The following ADGRL2 variants were observed in gnomAD, a reference collection of about 807,000 sequenced individuals.
The protein encoded by ADGRL2 is calcium-independent alpha-latrotoxin receptor 2.
ADGRL2 carries 44 observed loss-of-function variants against 157.4 expected under a neutral mutation model. The ratio of observed to expected loss-of-function variants is 0.28; its 90% confidence interval spans 0.22 to 0.36. ADGRL2 has a LOEUF of 0.36. Ranked by LOEUF, ADGRL2 falls within the 10% of genes least tolerant of loss-of-function variation. The pLI is 1.00. For missense variants in ADGRL2, 1,510 were observed against 1,768.9 expected (o/e 0.85, Z 2.63); for synonymous variants, 585 against 624.7 (o/e 0.94, Z 0.95).
intron 2 of ADGRL2, among the ~76,000 whole-genome samples, chr1:81,894,796 A>G (rs1318726326): frequency 2.6e-5 from 4 of 152,136 alleles, no homozygotes; most frequent in Admixed American, 6.6e-5. Context: ...ATTATTACCA[A>G]TAGAATTAGT....
chr1:81,445,672 C>T (rs536322313), intron 2 of ADGRL2, among the ~76,000 whole-genome samples: 100 of 152,200 alleles, frequency 6.6e-4, no homozygotes, highest in African/African-American at 2.1e-3. Context: ...TATATTAAAG[C>T]GGACTTACAT....
intron 1 of ADGRL2, among the ~76,000 whole-genome samples, chr1:81,377,421 G>A (rs771596467): frequency 2.6e-5 from 4 of 151,980 alleles, no homozygotes; most frequent in Non-Finnish European, 5.9e-5. Context: ...GTTATTATCA[G>A]TATCAAAATT....
In ADGRL2 at chr1:81,952,997, G is replaced by A. The variant is rs757781676; in HGVS notation, c.1805G>A (p.Arg602Gln). Residue 602 changes from arginine to glutamine, a missense_variant, in exon 10 of 24, where the codon CGA (arginine) becomes CAA (glutamine). Physicochemically the swap from Arg to Gln is conservative, Grantham distance 43. This residue lies in a region of ADGRL2 where 325 missense variants were observed against 333.2 expected (regional missense o/e 0.98). Coordinates refer to ENST00000686636, the MANE Select transcript of ADGRL2 (RefSeq NM_001366006.2). ...TCTTTTACTTAAAAGCTCCAAAAACGAGAGAAGACATGCAGGGCTTACCTT... is the reference window on the plus strand; with the variant it reads ...TCTTTTACTTAAAAGCTCCAAAAACAAGAGAAGACATGCAGGGCTTACCTT... The part of the protein sequence containing the change: ...AGRSYNKLQK[R>Q]EKTCRAYLKA... The A allele has an allele frequency of 5.0e-6, 8 of 1,611,614 alleles. No homozygotes were observed. The highest frequency in any genetic ancestry group is 4.0e-5 in the African/African-American group (3 of 74,982).
At chr1:81,630,870 A>G (rs980623431) in intron 3 of ADGRL2, among the ~76,000 whole-genome samples, 5 of 152,228 alleles carry the variant, frequency 3.3e-5, no homozygotes, top group East Asian at 3.9e-4. Context: ...AATCTTAACA[A>G]AGCCAACCAA....
At chr1:81,472,723 T>C (rs1265328088) in intron 2 of ADGRL2, among the ~76,000 whole-genome samples, 1 of 152,198 alleles carries the variant, frequency 6.6e-6, no homozygotes, top group Admixed American at 6.5e-5. Context: ...TCTAGTAAAA[T>C]CCTATATTTC....
chr1:81,877,295 T>A (rs1381944278), intron 2 of ADGRL2, among the ~76,000 whole-genome samples: 1 of 152,136 alleles, frequency 6.6e-6, no homozygotes, highest in Non-Finnish European at 1.5e-5. Flanking sequence ...TCTGAATAAG[T>A]CTGAATCATA....
chr1:81,523,802 G>A (rs1168861211), intron 2 of ADGRL2, among the ~76,000 whole-genome samples: 1 of 152,166 alleles, frequency 6.6e-6, no homozygotes. Flanking sequence ...GGTGGCTTGT[G>A]CCTGTAATCC....
chr1:81,822,028 C>CTTTTTTTTTTTT (rs10653806), intron 1 of ADGRL2, among the ~76,000 whole-genome samples: 15 of 125,188 alleles, frequency 1.2e-4, no homozygotes, highest in African/African-American at 2.5e-4. Context: ...ATATCAGAAA[C>CTTTTTTTTTTTT]TTTTTTTTTT....
chr1:81,535,023 G>T (rs2079699603), intron 2 of ADGRL2, among the ~76,000 whole-genome samples: 1 of 152,032 alleles, frequency 6.6e-6, no homozygotes, highest in Admixed American at 6.6e-5. Context: ...CACAATCAGG[G>T]CCTGCTGGTT....
At chr1:81,443,414 G>A (rs2077544617) in intron 1 of ADGRL2, among the ~76,000 whole-genome samples, 1 of 150,866 alleles carries the variant, frequency 6.6e-6, no homozygotes, top group African/African-American at 2.4e-5. Flanking sequence ...TCCAGCCTGA[G>A]TGACAAGAGT....
At chr1:81,509,053 T>G (rs995571681) in intron 2 of ADGRL2, among the ~76,000 whole-genome samples, 1 of 152,202 alleles carries the variant, frequency 6.6e-6, no homozygotes, top group Non-Finnish European at 1.5e-5. Context: ...ATATTTTGAT[T>G]AAAGTTGCTC....
intron 1 of ADGRL2, chr1:81,723,069 C>A: frequency 1.4e-6 from 1 of 734,018 alleles, no homozygotes; most frequent in Non-Finnish European, 2.5e-6. Context: ...GAGTCAAGCA[C>A]AGTGCCCTTC....
At chr1:81,338,834 C>G (rs924170610) in intron 1 of ADGRL2, among the ~76,000 whole-genome samples, 4 of 152,166 alleles carry the variant, frequency 2.6e-5, no homozygotes, top group Non-Finnish European at 5.9e-5. Context: ...AACCTCCTAA[C>G]AAGTTTATGG....
At chr1:81,819,073 T>C (rs946911120) in intron 1 of ADGRL2, among the ~76,000 whole-genome samples, 1 of 152,156 alleles carries the variant, frequency 6.6e-6, no homozygotes, top group Non-Finnish European at 1.5e-5. Context: ...GTTGTTGATA[T>C]TTTCAATTGA....
At chr1:81,826,407 C>T (rs988027960) in intron 1 of ADGRL2, among the ~76,000 whole-genome samples, 4 of 148,764 alleles carry the variant, frequency 2.7e-5, no homozygotes, top group Non-Finnish European at 4.5e-5. Flanking sequence ...TTAATATTAA[C>T]AGATGTTGCA....
At chr1:81,959,781 C>T (rs1393498143) in intron 11 of ADGRL2, among the ~76,000 whole-genome samples, 1 of 151,730 alleles carries the variant, frequency 6.6e-6, no homozygotes, top group Admixed American at 6.6e-5. Context: ...AGTAATAAAT[C>T]TGATAGATAT....
At chr1:81,800,852 T>G (rs1571277585), upstream of ADGRL2, among the ~76,000 whole-genome samples, 6 of 120,600 alleles carry the variant, frequency 5.0e-5, no homozygotes, top group African/African-American at 6.6e-5. Flanking sequence ...GACCTGGGGG[T>G]AGGGGGAGCG....
intron 2 of ADGRL2, among the ~76,000 whole-genome samples, chr1:81,469,847 T>C (rs530723484): frequency 7.3e-4 from 111 of 152,350 alleles, no homozygotes; most frequent in African/African-American, 2.6e-3. Context: ...GTCAGTGTGC[T>C]TCTTAAACAC....
At chr1:81,636,064 A>C (rs1251187263) in intron 3 of ADGRL2, among the ~76,000 whole-genome samples, 1 of 152,120 alleles carries the variant, frequency 6.6e-6, no homozygotes, top group Non-Finnish European at 1.5e-5. Context: ...CCCCTAAAAC[A>C]GTATCCAGAC....
Sources: gnomAD v4.1 joint callset for allele counts (sites outside exome capture counted in the v4.1 genomes callset) on GRCh38, gnomAD v4.1.1 for gene constraint, gnomAD v4.1.1 regional missense constraint, MANE v1.5 for transcripts, NCBI Gene and HGNC (gene_info 2026-07-23, HGNC 2026-07-21) for gene names.